GHR: variants seen among roughly 807,000 people sequenced by gnomAD.
GHR encodes GH receptor.
A neutral mutation model predicts 67.1 loss-of-function variants in GHR; 35 were observed. The observed-to-expected ratio is 0.52, with a 90% confidence interval of 0.40 to 0.69. The LOEUF (loss-of-function observed/expected upper bound fraction) is 0.69, where lower values mean the gene tolerates loss of function less well. Ranked by LOEUF, GHR falls within the 30% of genes least tolerant of loss-of-function variation. The probability of loss-of-function intolerance (pLI) is 0.00; values close to 1 mark genes in which losing one functional copy is unlikely to be tolerated. For synonymous variants in GHR, 272 were observed against 269.1 expected (o/e 1.01, Z -0.10); for missense variants, 792 against 764.6 (o/e 1.04, Z -0.42).
intron 1 of GHR, among the ~76,000 whole-genome samples, chr5:42,431,153 G>A (rs116063299): frequency 1.3e-5 from 2 of 152,124 alleles, no homozygotes; most frequent in Non-Finnish European, 2.9e-5. Context: ...AAAAATGTTT[G>A]CCTATTTTAT....
intron 1 of GHR, among the ~76,000 whole-genome samples, chr5:42,558,564 C>T (rs1749434312): frequency 6.6e-6 from 1 of 152,124 alleles, no homozygotes; most frequent in Non-Finnish European, 1.5e-5. Context: ...GTTTTTATGA[C>T]ATCTTTTCTA....
chr5:42,468,914 C>T, intron 1 of GHR: 1 of 590,508 alleles, frequency 1.7e-6, no homozygotes, highest in South Asian at 3.3e-5. Flanking sequence ...GCGGGCTGCG[C>T]CGAGCCAAGA....
At chr5:42,585,273 T>G (rs1049124536) in intron 2 of GHR, among the ~76,000 whole-genome samples, 3 of 152,238 alleles carry the variant, frequency 2.0e-5, no homozygotes, top group African/African-American at 7.2e-5. Flanking sequence ...CCATTGGGTT[T>G]TCTTTCTTGT....
At chr5:42,573,883 A>G (rs923798160) in intron 2 of GHR, among the ~76,000 whole-genome samples, 1 of 152,206 alleles carries the variant, frequency 6.6e-6, no homozygotes, top group African/African-American at 2.4e-5. Flanking sequence ...AAAACCTTCC[A>G]AATTTGTGGA....
intron 1 of GHR, among the ~76,000 whole-genome samples, chr5:42,471,921 A>G (rs1453315149): frequency 1.3e-5 from 2 of 152,212 alleles, no homozygotes; most frequent in African/African-American, 4.8e-5. Flanking sequence ...AATCAACATT[A>G]TTAAAGACAG....
At chr5:42,516,826 TG>T (rs1447459116) in intron 1 of GHR, among the ~76,000 whole-genome samples, 1 of 152,178 alleles carries the variant, frequency 6.6e-6, no homozygotes, top group African/African-American at 2.4e-5. Flanking sequence ...TCATGTCCTC[TG>T]TGGTCAGGTT....
At position 42,572,190 on chromosome 5, in the gene GHR, G is replaced by C. The variant is rs564447233; in HGVS notation, c.70+6246G>C. ...CTTACACTGTATATGATATAGAACTGTAGGCAGGCCAGGGTCATCAATAAA... is the reference window on the plus strand; with the variant it reads ...CTTACACTGTATATGATATAGAACTCTAGGCAGGCCAGGGTCATCAATAAA... On this transcript the variant is annotated intron_variant, in intron 2 of 9. Transcript: ENST00000230882. Among the ~76,000 whole-genome samples, 5 of 152,264 alleles carry C rather than the reference G, an allele frequency of 3.3e-5. No individual in the cohort carries two copies. In the East Asian group the frequency reaches 7.7e-4, roughly 24 times the overall value.
chr5:42,607,675 G>A (rs189446436), intron 2 of GHR, among the ~76,000 whole-genome samples: 2 of 152,278 alleles, frequency 1.3e-5, no homozygotes, highest in Admixed American at 6.5e-5. Context: ...AGGCTGCATG[G>A]AAGAGAAGGA....
chr5:42,551,155 T>C (rs1749009503), intron 1 of GHR, among the ~76,000 whole-genome samples: 1 of 152,136 alleles, frequency 6.6e-6, no homozygotes, highest in African/African-American at 2.4e-5. Context: ...AGAGTGGGGA[T>C]TATAAGTTGA....
chr5:42,587,636 GA>G (rs1300782383), intron 2 of GHR, among the ~76,000 whole-genome samples: 1 of 151,928 alleles, frequency 6.6e-6, no homozygotes, highest in East Asian at 1.9e-4. Flanking sequence ...TTTCGTATCG[GA>G]ATGTGAACTT....
intron 1 of GHR, among the ~76,000 whole-genome samples, chr5:42,505,486 G>C (rs994695149): frequency 6.6e-6 from 1 of 151,982 alleles, no homozygotes; most frequent in Non-Finnish European, 1.5e-5. Context: ...ATCTGTGCTT[G>C]TGAAATTAAT....
At chr5:42,448,588 T>C (rs1743917540) in intron 1 of GHR, among the ~76,000 whole-genome samples, 1 of 138,290 alleles carries the variant, frequency 7.2e-6, no homozygotes, top group South Asian at 2.3e-4. Context: ...ATTATTATTA[T>C]TATTATTATT....
At chr5:42,611,138 GA>G (rs1281463135) in intron 2 of GHR, among the ~76,000 whole-genome samples, 10 of 152,168 alleles carry the variant, frequency 6.6e-5, no homozygotes, top group Middle Eastern at 6.8e-3. Context: ...CCCTATCAAG[GA>G]ATTTTCAGTG....
At chr5:42,561,461 G>T (rs1749602139) in intron 1 of GHR, among the ~76,000 whole-genome samples, 1 of 152,190 alleles carries the variant, frequency 6.6e-6, no homozygotes, top group Non-Finnish European at 1.5e-5. Context: ...GTTGGTTATA[G>T]CATGCTGGAA....
intron 1 of GHR, among the ~76,000 whole-genome samples, chr5:42,555,313 A>C (rs1749249672): frequency 6.6e-6 from 1 of 152,224 alleles, no homozygotes; most frequent in South Asian, 2.1e-4. Flanking sequence ...CTGCCATGTC[A>C]GCACTTATGA....
chr5:42,665,266 G>A (rs1005133133), intron 3 of GHR, among the ~76,000 whole-genome samples: 16 of 152,244 alleles, frequency 1.1e-4, no homozygotes, highest in African/African-American at 2.4e-4. Context: ...CCAAATGACT[G>A]TAAATCATGC....
Position 42,465,917 on chromosome 5 carries a change from G to A in GHR, c.-12+41962G>A, listed in dbSNP as rs1744709358. 9 of 706,536 alleles carry A rather than the reference G, an allele frequency of 1.3e-5. No individual in the cohort carries two copies. In the East Asian group the frequency reaches 2.0e-4, roughly 16 times the overall value. The allele number at this position is 706,536 out of a possible 1,614,324, so 43.8% of individuals were successfully genotyped here. On this transcript the variant is annotated intron_variant, in intron 1 of 9. Transcript: ENST00000230882. ...TGGCTTTTCAAGTCTTCGTTCACAA[G>A]GTGGTCTCCTTTCTGGTCTTCTATC...
chr5:42,699,335 G>T (rs1757820142), intron 5 of GHR, among the ~76,000 whole-genome samples: 1 of 151,740 alleles, frequency 6.6e-6, no homozygotes, highest in South Asian at 2.1e-4. Flanking sequence ...GCAAAGATGA[G>T]TCAGGGAACA....
chr5:42,438,479 T>C (rs1163168856), intron 1 of GHR, among the ~76,000 whole-genome samples: 1 of 152,184 alleles, frequency 6.6e-6, no homozygotes, highest in Non-Finnish European at 1.5e-5. Flanking sequence ...GAAGTGAAGA[T>C]GTGTGGCTTT....
Sources: allele counts gnomAD v4.1 joint callset (sites outside exome capture counted in the v4.1 genomes callset), GRCh38; gene constraint gnomAD v4.1.1; transcripts MANE v1.5; gene names NCBI Gene and HGNC (gene_info 2026-07-23, HGNC 2026-07-21).